Variants in TMEM74 observed in about 807,000 individuals in gnomAD.
TMEM74 encodes the protein transmembrane protein 74.
A neutral mutation model predicts 18.1 loss-of-function variants in TMEM74; 13 were observed. That is an observed-to-expected ratio of 0.72 (90% CI 0.47 to 1.14). The LOEUF is 1.14. Ranked by LOEUF, TMEM74 falls within the 50% of genes most tolerant of loss-of-function variation. The pLI is 0.00. For missense variants in TMEM74, 372 were observed against 375.9 expected, an observed-to-expected ratio of 0.99 and a Z score of 0.09; for synonymous variants, 159 against 146.6, an observed-to-expected ratio of 1.08 and a Z score of -0.61.
chr8:108,658,777 ACTAC>A (rs1335353989), intron 1 of TMEM74, among the ~76,000 whole-genome samples: 11 of 152,208 alleles, frequency 7.2e-5, no homozygotes, highest in African/African-American at 2.7e-4. Flanking sequence ...AATTATGATT[ACTAC>A]CTAATAACTT....
At chr8:108,726,306 C>T (rs1258407598) in intron 1 of TMEM74, among the ~76,000 whole-genome samples, 2 of 152,132 alleles carry the variant, frequency 1.3e-5, no homozygotes, top group Admixed American at 6.5e-5. Flanking sequence ...CTGCAAAATT[C>T]TGCCTGATGA....
intron 1 of TMEM74, 73 bp from the exon 2 acceptor site, chr8:108,785,210 G>GAA: frequency 4.9e-6 from 6 of 1,216,400 alleles, no homozygotes; most frequent in Non-Finnish European, 5.6e-6. Flanking sequence ...GTTGCTCCTG[G>GAA]GGTCCCCATT....
chr8:108,776,573 T>C (rs1208716868), downstream of TMEM74, among the ~76,000 whole-genome samples: 4 of 152,236 alleles, frequency 2.6e-5, no homozygotes, highest in Non-Finnish European at 4.4e-5. Context: ...TCTAGAAGAT[T>C]GTAGTACAAG....
At chr8:108,713,725 G>C (rs1234061381) in intron 1 of TMEM74, among the ~76,000 whole-genome samples, 1 of 152,230 alleles carries the variant, frequency 6.6e-6, no homozygotes, top group African/African-American at 2.4e-5. Context: ...TGATATATGA[G>C]AGGAGATTTG....
rs545790930 is a variant in TMEM74 at position 108,736,037 on chromosome 8, C to T, written n.119+51439G>A. Reference sequence around the variant, plus strand: ...ATGAAGTCCTAGCTTTGGATTAATCCAAGCATTTTCTGCTTTTAAACAACT... The same window carrying T: ...ATGAAGTCCTAGCTTTGGATTAATCTAAGCATTTTCTGCTTTTAAACAACT... On this transcript the variant is annotated intron_variant and non_coding_transcript_variant, in intron 1 of 3. Transcript: ENST00000518838. 2.7e-3 allele frequency among the ~76,000 whole-genome samples: 415 copies of T among 151,884 alleles called. 2 individuals are homozygous for T. The highest frequency in any genetic ancestry group is 9.4e-3 in the African/African-American group (388 of 41,428).
intron 1 of TMEM74, among the ~76,000 whole-genome samples, chr8:108,665,761 G>A (rs1813971433): frequency 6.6e-6 from 1 of 152,082 alleles, no homozygotes; most frequent in African/African-American, 2.4e-5. Flanking sequence ...TTATTGAATA[G>A]ATAACAGTAC....
At chr8:108,694,739 T>G (rs1194272768) in intron 1 of TMEM74, among the ~76,000 whole-genome samples, 1 of 152,176 alleles carries the variant, frequency 6.6e-6, no homozygotes, top group African/African-American at 2.4e-5. Context: ...TTATAGAGAT[T>G]TATTATAAGG....
intron 1 of TMEM74, among the ~76,000 whole-genome samples, chr8:108,707,541 A>G (rs1381122512): frequency 6.6e-6 from 1 of 152,192 alleles, no homozygotes; most frequent in Non-Finnish European, 1.5e-5. Flanking sequence ...ATAAACCCAC[A>G]TATATATGGT....
intron 1 of TMEM74, among the ~76,000 whole-genome samples, chr8:108,688,341 GC>G (rs1270468391): frequency 1.3e-5 from 2 of 152,174 alleles, no homozygotes; most frequent in Non-Finnish European, 2.9e-5. Flanking sequence ...CTGCCCTTGA[GC>G]GTGTGAGATC....
At chr8:108,751,228 C>G (rs779630114) in intron 1 of TMEM74, among the ~76,000 whole-genome samples, 1 of 152,040 alleles carries the variant, frequency 6.6e-6, no homozygotes, top group Non-Finnish European at 1.5e-5. Flanking sequence ...AAGATTCTTT[C>G]GGGTTAAAAT....
intron 1 of TMEM74, among the ~76,000 whole-genome samples, chr8:108,760,149 GGAGAGAGAGA>G (rs72281415): frequency 6.9e-6 from 1 of 143,930 alleles, no homozygotes; most frequent in East Asian, 2.0e-4. Context: ...CTGCAGACTG[GGAGAGAGAGA>G]GAGAGAGAGA....
At chr8:108,679,021 G>T (rs1001452784) in intron 1 of TMEM74, among the ~76,000 whole-genome samples, 65 of 151,748 alleles carry the variant, frequency 4.3e-4, no homozygotes, top group Non-Finnish European at 4.4e-5. Context: ...CCTTGCGATA[G>T]TTTGCTGAGA....
intron 1 of TMEM74, among the ~76,000 whole-genome samples, chr8:108,685,399 C>T (rs1011102983): frequency 1.3e-4 from 20 of 152,206 alleles, no homozygotes; most frequent in Middle Eastern, 3.4e-3. Context: ...AATAATTTGA[C>T]TTTCTCTTTT....
chr8:108,700,748 AT>A (rs1229125871), intron 1 of TMEM74, among the ~76,000 whole-genome samples: 2 of 152,330 alleles, frequency 1.3e-5, no homozygotes, highest in East Asian at 3.9e-4. Context: ...TTTGGATGTC[AT>A]TAGTGTTTAT....
At chr8:108,696,132 C>T (rs1298564856) in intron 1 of TMEM74, among the ~76,000 whole-genome samples, 5 of 152,170 alleles carry the variant, frequency 3.3e-5, no homozygotes, top group Non-Finnish European at 7.3e-5. Flanking sequence ...TCATATGTAA[C>T]TTATATAGCC....
intron 2 of TMEM74, among the ~76,000 whole-genome samples, chr8:108,616,417 C>T (rs1390452565): frequency 6.6e-6 from 1 of 152,134 alleles, no homozygotes; most frequent in Non-Finnish European, 1.5e-5. Context: ...CCCAGTTGAA[C>T]ATTTAACTGA....
intron 2 of TMEM74, among the ~76,000 whole-genome samples, chr8:108,638,789 C>T (rs758797218): frequency 1.3e-5 from 2 of 152,056 alleles, no homozygotes; most frequent in East Asian, 1.9e-4. Context: ...GTCTGTGATG[C>T]GGTGTGGTGG....
rs144196647 is a variant in TMEM74, at chr8:108,784,791, C to T, written c.308G>A (p.Cys103Tyr). The T allele has an allele frequency of 1.7e-5, 28 of 1,614,062 alleles. No individual in the cohort carries two copies. The African/African-American group carries it at 3.5e-4, about 20-fold the overall frequency. The change falls in exon 2 of 2, where the codon TGC becomes TAC. Residue 103 changes from cysteine to tyrosine, a missense_variant. By Grantham distance (194) the Cys-to-Tyr change is radical. Coordinates refer to ENST00000297459, the MANE Select transcript of TMEM74 (RefSeq NM_153015.3). ...ITAERKVCNC[C>Y]SQELETSFTY... ...AAAAGAAGTTTCTAATTCCTGGCTG[C>T]AGCAGTTACAGACTTTCCGTTCCGC...
intron 1 of TMEM74, among the ~76,000 whole-genome samples, chr8:108,770,288 G>GA (rs1814157582): frequency 1.3e-5 from 2 of 152,230 alleles, no homozygotes; most frequent in Admixed American, 1.3e-4. Flanking sequence ...AGTACAGTGA[G>GA]AAAAAATAGC....
Sources: gnomAD v4.1 joint callset for allele counts (sites outside exome capture counted in the v4.1 genomes callset) on GRCh38, gnomAD v4.1.1 for gene constraint, MANE v1.5 for transcripts, NCBI Gene and HGNC (gene_info 2026-07-23, HGNC 2026-07-21) for gene names.